RASAL2: variants seen among roughly 807,000 people sequenced by gnomAD.
RASAL2 encodes RAS protein activator like 2.
In RASAL2, 58 loss-of-function variants were observed where a neutral mutation model predicts 128.9. That is an observed-to-expected ratio of 0.45 (90% CI 0.36 to 0.56). The LOEUF is 0.56. Ranked by LOEUF, RASAL2 falls within the 20% of genes least tolerant of loss-of-function variation. RASAL2 has a pLI of 0.00. For synonymous variants in RASAL2, 561 were observed against 580.8 expected (o/e 0.97, Z 0.49); for missense variants, 1,360 against 1,601.6 (o/e 0.85, Z 2.57).
At chr1:178,214,217 C>T (rs1025735113) in intron 1 of RASAL2, among the ~76,000 whole-genome samples, 4 of 152,100 alleles carry the variant, frequency 2.6e-5, no homozygotes, top group African/African-American at 4.8e-5. Context: ...CTATAGTGAA[C>T]GAGCTATCAT....
At chr1:178,289,771 C>A (rs1571789460) in intron 2 of RASAL2, among the ~76,000 whole-genome samples, 1 of 152,202 alleles carries the variant, frequency 6.6e-6, no homozygotes, top group African/African-American at 2.4e-5. Context: ...CTCCATCCTT[C>A]CAAGTTTCAA....
chr1:178,244,907 C>G (rs558461129), intron 1 of RASAL2, among the ~76,000 whole-genome samples: 1 of 152,124 alleles, frequency 6.6e-6, no homozygotes, highest in Non-Finnish European at 1.5e-5. Context: ...GACATGAACT[C>G]GTTCTTTTTC....
intron 1 of RASAL2, among the ~76,000 whole-genome samples, chr1:178,171,969 T>G (rs1445118446): frequency 6.6e-6 from 1 of 152,010 alleles, no homozygotes; most frequent in Non-Finnish European, 1.5e-5. Flanking sequence ...ATATGTTGCC[T>G]TACCAACGTT....
At chr1:178,395,235 A>AT (rs1180828145) in intron 4 of RASAL2, among the ~76,000 whole-genome samples, 3 of 152,126 alleles carry the variant, frequency 2.0e-5, no homozygotes, top group East Asian at 1.9e-4. Flanking sequence ...AGTCTTCTGT[A>AT]TTTTTTTAAA....
At chr1:178,370,444 G>A (rs1671635244) in intron 3 of RASAL2, among the ~76,000 whole-genome samples, 1 of 152,146 alleles carries the variant, frequency 6.6e-6, no homozygotes, top group Non-Finnish European at 1.5e-5. Flanking sequence ...TTAATAAAAT[G>A]TCTTTTACAC....
intron 1 of RASAL2, among the ~76,000 whole-genome samples, chr1:178,219,644 A>G (rs1338237972): frequency 4.6e-5 from 7 of 151,556 alleles, no homozygotes; most frequent in African/African-American, 7.3e-5. Flanking sequence ...AAAAAAAAAA[A>G]AAAGAAAGAA....
intron 3 of RASAL2, among the ~76,000 whole-genome samples, chr1:178,376,950 G>A (rs1234265525): frequency 6.6e-6 from 1 of 151,922 alleles, no homozygotes; most frequent in African/African-American, 2.4e-5. Flanking sequence ...CAGGTACTTT[G>A]ATAGCATTTG....
rs544768011 is a variant in RASAL2 at position 178,121,799 on chromosome 1, TA to T, written c.202+27106del. Among the ~76,000 whole-genome samples, 836 of 152,292 alleles carry T rather than the reference TA, an allele frequency of 5.5e-3. 10 individuals are homozygous for T. Among genetic ancestry groups the T allele is most frequent in the African/African-American group, 0.019 (784 of 41,572 alleles). ...CCATGCCCAGCCCATTTGTTGTTGT[TA>T]TACTCTTTTCCCCCAACCCTGAACC... On this transcript the variant is annotated intron_variant, in intron 1 of 17. Transcript: ENST00000367649.
chr1:178,345,398 G>T (rs1670098500), intron 3 of RASAL2, among the ~76,000 whole-genome samples: 2 of 152,206 alleles, frequency 1.3e-5, no homozygotes, highest in South Asian at 2.1e-4. Flanking sequence ...ATCAAGTGTT[G>T]CCTAGGATAG....
At chr1:178,287,614 G>T (rs1667091995) in intron 2 of RASAL2, among the ~76,000 whole-genome samples, 1 of 152,018 alleles carries the variant, frequency 6.6e-6, no homozygotes, top group South Asian at 2.1e-4. Context: ...ATCAAGGGGT[G>T]GATAAAGAAA....
intron 1 of RASAL2, among the ~76,000 whole-genome samples, chr1:178,257,573 C>T (rs376350259): frequency 3.3e-5 from 5 of 152,312 alleles, no homozygotes; most frequent in African/African-American, 1.2e-4. Context: ...CATGGTGGCT[C>T]ACGCCTGTAA....
At chr1:178,196,323 A>G (rs2101956998) in intron 1 of RASAL2, among the ~76,000 whole-genome samples, 1 of 152,354 alleles carries the variant, frequency 6.6e-6, no homozygotes, top group East Asian at 1.9e-4. Flanking sequence ...GTCAAGGTAC[A>G]AAGTGAGAAG....
chr1:178,428,649 G>T (rs1353480478), intron 5 of RASAL2, among the ~76,000 whole-genome samples: 1 of 151,834 alleles, frequency 6.6e-6, no homozygotes, highest in Non-Finnish European at 1.5e-5. Context: ...GCGTGCAGTG[G>T]TGCCATCATA....
intron 1 of RASAL2, among the ~76,000 whole-genome samples, chr1:178,095,022 C>T (rs1021660582): frequency 3.3e-5 from 5 of 152,156 alleles, no homozygotes; most frequent in African/African-American, 1.2e-4. Context: ...GGAAAAACTC[C>T]ATGAAACCAA....
At chr1:178,337,736 A>ATT (rs375566366) in intron 3 of RASAL2, among the ~76,000 whole-genome samples, 10 of 147,776 alleles carry the variant, frequency 6.8e-5, no homozygotes, top group African/African-American at 2.2e-4. Context: ...TATGCAAGTA[A>ATT]TTTTTTTTTT....
At chr1:178,170,364 A>G (rs751971717) in intron 1 of RASAL2, among the ~76,000 whole-genome samples, 9 of 151,788 alleles carry the variant, frequency 5.9e-5, no homozygotes, top group African/African-American at 4.8e-5. Context: ...TTATATATAT[A>G]TATTTTGGTA....
chr1:178,094,410 C>T lies in RASAL2; in HGVS notation c.-83C>T. 1 of 1,314,990 alleles carries T rather than the reference C, an allele frequency of 7.6e-7. No homozygotes were observed. Among genetic ancestry groups the T allele is most frequent in the South Asian group, 1.5e-5 (1 of 66,526 alleles). 81.5% of individuals were successfully genotyped at this position (1,314,990 alleles called of 1,614,324 possible). On this transcript the variant is annotated 5_prime_UTR_variant, in exon 1 of 18. Coordinates refer to ENST00000367649, the MANE Select transcript of RASAL2 (RefSeq NM_170692.4). The stretch of plus-strand genomic sequence containing the variant: ...TGCCCTCGCTGCGCGCTCTCCTCCT[C>T]CCCTTACCGCAGGCAGGGCGCGGAG...
chr1:178,427,825 A>T (rs976417664), intron 5 of RASAL2, among the ~76,000 whole-genome samples: 1 of 152,126 alleles, frequency 6.6e-6, no homozygotes, highest in Non-Finnish European at 1.5e-5. Context: ...CAATTTAATC[A>T]TATGTATAGA....
chr1:178,434,259 T>C (rs951743848), intron 5 of RASAL2, among the ~76,000 whole-genome samples: 5 of 152,118 alleles, frequency 3.3e-5, no homozygotes, highest in African/African-American at 4.8e-5. Flanking sequence ...TGTTCCCTAG[T>C]GTCTATCATA....
Sources: allele counts gnomAD v4.1 joint callset (sites outside exome capture counted in the v4.1 genomes callset), GRCh38; gene constraint gnomAD v4.1.1; transcripts MANE v1.5; gene names NCBI Gene and HGNC (gene_info 2026-07-23, HGNC 2026-07-21).